The following ADAMTS6 variants were observed in gnomAD, a reference collection of about 807,000 sequenced individuals.
ADAMTS6 encodes the protein ADAM metallopeptidase with thrombospondin type 1 motif 6, also known as A disintegrin and metalloproteinase with thrombospondin motifs 6.
In ADAMTS6, 23 loss-of-function variants were observed where a neutral mutation model predicts 144.3. The ratio of observed to expected loss-of-function variants is 0.16; its 90% confidence interval spans 0.11 to 0.23. The LOEUF (loss-of-function observed/expected upper bound fraction) is 0.23, where lower values mean the gene tolerates loss of function less well. Ranked by LOEUF, ADAMTS6 falls within the 10% of genes least tolerant of loss-of-function variation. ADAMTS6 has a pLI of 1.00. For missense variants in ADAMTS6, 999 were observed against 1,379.6 expected (o/e 0.72, Z 4.37); for synonymous variants, 444 against 457.5 (o/e 0.97, Z 0.38).
chr5:65,319,696 A>G (rs868024176), intron 9 of ADAMTS6, among the ~76,000 whole-genome samples: 146 of 52,794 alleles, frequency 2.8e-3, no homozygotes, highest in Admixed American at 6.6e-3. Context: ...GGAAGGAAGG[A>G]AGGGAGGGAG....
chr5:65,391,268 T>C (rs918573895), intron 7 of ADAMTS6, among the ~76,000 whole-genome samples: 1 of 152,098 alleles, frequency 6.6e-6, no homozygotes, highest in Admixed American at 6.6e-5. Flanking sequence ...TCAGGTTCCT[T>C]AAAAAAACTT....
chr5:65,433,460 T>A (rs1757149423), intron 7 of ADAMTS6, among the ~76,000 whole-genome samples: 1 of 152,190 alleles, frequency 6.6e-6, no homozygotes, highest in Non-Finnish European at 1.5e-5. Flanking sequence ...TTATGCAGCA[T>A]ATCTATTGAA....
intron 20 of ADAMTS6, among the ~76,000 whole-genome samples, chr5:65,206,834 T>TCA (rs1756129408): frequency 9.2e-6 from 1 of 108,390 alleles, no homozygotes; most frequent in South Asian, 2.8e-4. Context: ...TCTCTCTCTC[T>TCA]CTCTCACACA....
Position 65,259,330 on chromosome 5 carries a change from G to A in ADAMTS6, c.1830+1270C>T, listed in dbSNP as rs543535963. Among the ~76,000 whole-genome samples the A allele has an allele frequency of 6.6e-5, 10 of 152,060 alleles. No individual in the cohort carries two copies. The South Asian group carries it at 1.9e-3, about 28-fold the overall frequency. ...AGAGGTTACAGTGAGCCAAGATGGC[G>A]CCACTGCACTCCAGCCTGGCCTGGC... is the stretch of plus-strand genomic sequence containing the variant. On this transcript the variant is annotated intron_variant, in intron 14 of 24. Transcript: ENST00000381055.
intron 20 of ADAMTS6, chr5:65,210,150 T>G (rs7728957): frequency 0.14 from 30,512 of 215,984 alleles, 2,315 homozygotes; most frequent in Non-Finnish European, 0.17. Context: ...AGGTTTGGCA[T>G]GGATAAGATC....
chr5:65,304,993 G>A (rs1222478055), intron 9 of ADAMTS6, among the ~76,000 whole-genome samples: 1 of 151,876 alleles, frequency 6.6e-6, no homozygotes, highest in Non-Finnish European at 1.5e-5. Flanking sequence ...CTAGATAACA[G>A]TAGTGTATCA....
intron 7 of ADAMTS6, among the ~76,000 whole-genome samples, chr5:65,349,814 C>T (rs1748682570): frequency 6.6e-6 from 1 of 150,678 alleles, no homozygotes; most frequent in Non-Finnish European, 1.5e-5. Context: ...GAGATCGTGC[C>T]ACTACACTCC....
At chr5:65,353,079 C>T (rs1344872623) in intron 7 of ADAMTS6, among the ~76,000 whole-genome samples, 3 of 151,912 alleles carry the variant, frequency 2.0e-5, no homozygotes, top group South Asian at 2.1e-4. Flanking sequence ...TAGGTAAATA[C>T]GTACATTCCA....
At chr5:65,295,141 A>G (rs978521148) in intron 10 of ADAMTS6, among the ~76,000 whole-genome samples, 2 of 152,026 alleles carry the variant, frequency 1.3e-5, no homozygotes, top group Non-Finnish European at 2.9e-5. Context: ...ATTATTTCCA[A>G]TTTCTAAGAA....
chr5:65,164,173 C>A (rs1409198958), intron 24 of ADAMTS6, among the ~76,000 whole-genome samples: 1 of 151,854 alleles, frequency 6.6e-6, no homozygotes, highest in Non-Finnish European at 1.5e-5. Context: ...AGTGGGTGCG[C>A]GCACCGTGCG....
At chr5:65,398,858 G>GAGAA (rs1298410745) in intron 7 of ADAMTS6, among the ~76,000 whole-genome samples, 6 of 149,896 alleles carry the variant, frequency 4.0e-5, no homozygotes, top group South Asian at 2.1e-4. Flanking sequence ...GAAAAAGAAA[G>GAGAA]AGAAAGAAAG....
intron 9 of ADAMTS6, among the ~76,000 whole-genome samples, chr5:65,305,053 A>G (rs1743797653): frequency 6.6e-6 from 1 of 152,100 alleles, no homozygotes; most frequent in South Asian, 2.1e-4. Flanking sequence ...ATAAGACAAT[A>G]TATTTTGTTC....
At chr5:65,238,397 GTTGGAGACCAACCTGGGCAACA>G (rs1463798644) in intron 15 of ADAMTS6, among the ~76,000 whole-genome samples, 3 of 151,894 alleles carry the variant, frequency 2.0e-5, no homozygotes, top group African/African-American at 2.4e-5. Context: ...GAGTCCAGGA[GTTGGAGACCAACCTGGGCAACA>G]TGGTGAAACC....
chr5:65,267,964 A>T (rs1335587341), intron 12 of ADAMTS6, among the ~76,000 whole-genome samples: 5 of 152,202 alleles, frequency 3.3e-5, no homozygotes, highest in African/African-American at 1.2e-4. Flanking sequence ...CTAAATCAGA[A>T]GTTGTCATCC....
intron 6 of ADAMTS6, among the ~76,000 whole-genome samples, chr5:65,451,886 T>C (rs1758768904): frequency 6.6e-6 from 1 of 152,168 alleles, no homozygotes; most frequent in African/African-American, 2.4e-5. Flanking sequence ...TATTATAAGA[T>C]ATGCCATGCA....
In ADAMTS6 at chr5:65,273,402, C is replaced by G. The variant is rs1372400916; in HGVS notation, c.1558G>C (p.Val520Leu). The G allele has an allele frequency of 1.7e-5, 28 of 1,613,810 alleles. No homozygotes were observed. Among genetic ancestry groups the G allele is most frequent in the Non-Finnish European group, 2.4e-5 (28 of 1,179,884 alleles). Reference protein sequence around the residue: ...LWCLSKSNRCVTNSIPAAEGT... With the variant: ...LWCLSKSNRCLTNSIPAAEGT... The stretch of plus-strand genomic sequence containing the variant: ...TCAGCTGCTGGAATACTGTTGGTGA[C>G]ACAGCGGTTGCTTTTGCTGAGACAC... Residue 520 changes from valine (V) to leucine (L), a missense_variant, in exon 12 of 25, where the codon GTC becomes CTC. By Grantham distance (32) the Val-to-Leu change is conservative. Around this residue, in one of 3 missense-constraint regions of ADAMTS6, gnomAD observed 619 missense variants for 837.0 expected, o/e 0.74. Transcript: ENST00000381055.
intron 21 of ADAMTS6, among the ~76,000 whole-genome samples, chr5:65,192,058 G>C (rs1755047608): frequency 6.6e-6 from 1 of 151,990 alleles, no homozygotes; most frequent in South Asian, 2.1e-4. Context: ...TGACTCTAAT[G>C]AATTTTTTTC....
At chr5:65,357,845 A>G (rs1011255935) in intron 7 of ADAMTS6, among the ~76,000 whole-genome samples, 1 of 151,926 alleles carries the variant, frequency 6.6e-6, no homozygotes, top group Non-Finnish European at 1.5e-5. Flanking sequence ...CAGTAATCAA[A>G]AAAACTCCCA....
intron 7 of ADAMTS6, among the ~76,000 whole-genome samples, chr5:65,347,429 G>A (rs1444882797): frequency 6.6e-6 from 1 of 151,992 alleles, no homozygotes; most frequent in East Asian, 1.9e-4. Flanking sequence ...AAACAGTGCT[G>A]GGAAAACTTG....
Sources: allele counts gnomAD v4.1 joint callset (sites outside exome capture counted in the v4.1 genomes callset), GRCh38; gene constraint gnomAD v4.1.1; regional missense constraint gnomAD v4.1.1; transcripts MANE v1.5; gene names NCBI Gene and HGNC (gene_info 2026-07-23, HGNC 2026-07-21).